Variants in ELF1 observed in about 807,000 individuals in gnomAD.
The protein encoded by ELF1 is E74 like ETS transcription factor 1, also known as ETS-related transcription factor Elf-1.
Under a neutral mutation model 59.9 loss-of-function variants are expected in ELF1, and 24 were observed. That is an observed-to-expected ratio of 0.40 (90% CI 0.29 to 0.56). The LOEUF is 0.56. Ranked by LOEUF, ELF1 falls within the 20% of genes least tolerant of loss-of-function variation. The pLI is 0.44. For synonymous variants in ELF1, 248 were observed against 266.2 expected, an observed-to-expected ratio of 0.93 and a Z score of 0.67; for missense variants, 627 against 742.2, an observed-to-expected ratio of 0.84 and a Z score of 1.80.
At chr13:41,012,656 G>A (rs145625305) in intron 1 of ELF1, among the ~76,000 whole-genome samples, 181 of 150,142 alleles carry the variant, frequency 1.2e-3, no homozygotes, top group Middle Eastern at 6.9e-3. Context: ...CAATCCTCCT[G>A]CCTCAGCTTC....
At position 40,959,137 on chromosome 13, in the gene ELF1, T is replaced by C. The variant is rs191036751; in HGVS notation, c.73-121A>G. 900 of 1,330,258 alleles carry C rather than the reference T, an allele frequency of 6.8e-4. 5 individuals carry two copies. The African/African-American group carries it at 0.012, about 18-fold the overall frequency. The allele number at this position is 1,330,258 out of a possible 1,614,324, so 82.4% of individuals were successfully genotyped here. Reference sequence around the variant, plus strand: ...ATTTAATTTTTAGATCATCAGGCTGTATCTCTATAATCTTTCTAGGCATTA... The same window carrying C: ...ATTTAATTTTTAGATCATCAGGCTGCATCTCTATAATCTTTCTAGGCATTA... On this transcript the variant is annotated intron_variant, in intron 2 of 8. Transcript: ENST00000239882.
chr13:40,977,303 A>G (rs1872972112), intron 2 of ELF1, among the ~76,000 whole-genome samples: 1 of 152,118 alleles, frequency 6.6e-6, no homozygotes, highest in Non-Finnish European at 1.5e-5. Context: ...TATTGCATTC[A>G]ATACTGATGG....
chr13:40,976,006 G>A (rs1419949268), intron 2 of ELF1, among the ~76,000 whole-genome samples: 2 of 152,194 alleles, frequency 1.3e-5, no homozygotes, highest in African/African-American at 4.8e-5. Context: ...ACGTGAGACT[G>A]ATAATAAGCA....
intron 3 of ELF1, among the ~76,000 whole-genome samples, chr13:40,957,983 T>C (rs1396878502): frequency 6.6e-6 from 1 of 152,248 alleles, no homozygotes; most frequent in Non-Finnish European, 1.5e-5. Flanking sequence ...GCCCCAGTAC[T>C]TGCCACTATG....
rs763713968 is a variant in ELF1, at chr13:40,933,548, T to C, written c.1737A>G (p.Lys579=). Residue 579 remains lysine (K), a synonymous_variant, in exon 9 of 9, where the codon AAA becomes AAG. Coordinates refer to ENST00000239882, the MANE Select transcript of ELF1 (RefSeq NM_172373.4). ...VEKKESEDHL[K]ENTEKTEQQP... ...GCTGCTCCGTTTTCTCAGTGTTCTC[T>C]TTCAAATGATCTTCAGATTCCTTTT... 6.2e-7 allele frequency: 1 copy of C among 1,614,256 alleles called. No homozygotes were observed. The highest frequency in any genetic ancestry group is 8.5e-7 in the Non-Finnish European group (1 of 1,180,046).
At position 40,949,936 on chromosome 13, in the gene ELF1, A is replaced by C. The variant is rs1272229436; in HGVS notation, c.399T>G (p.Val133=). The C allele has an allele frequency of 6.2e-7, 1 of 1,613,752 alleles. No individual in the cohort carries two copies. The highest frequency in any genetic ancestry group is 1.1e-5 in the South Asian group (1 of 90,962). The change falls in exon 5 of 9, where the codon GTT becomes GTG. Residue 133 remains valine (V), a synonymous_variant. Transcript: ENST00000239882. ...CGGACACATGGGTGACTGGGGCAAC[A>C]ACCATGTCATCTTCAGGTGAACTAA... The part of the protein sequence containing the change: ...NIFSSPEDDM[V]VAPVTHVSVT...
chr13:40,940,386 G>GAAAAAAAAAAAAAAAAAAAAAAAAAAA (rs375400990), intron 8 of ELF1, among the ~76,000 whole-genome samples: 2 of 109,894 alleles, frequency 1.8e-5, no homozygotes, highest in Non-Finnish European at 3.4e-5. Context: ...TGATTTAACT[G>GAAAAAAAAAAAAAAAAAAAAAAAAAAA]AAAAAAAAAA....
intron 1 of ELF1, among the ~76,000 whole-genome samples, chr13:40,995,006 AT>A (rs1204669407): frequency 6.6e-6 from 1 of 152,144 alleles, no homozygotes; most frequent in Non-Finnish European, 1.5e-5. Flanking sequence ...ATTTTGCTAC[AT>A]GACACGCCTC....
intron 1 of ELF1, among the ~76,000 whole-genome samples, chr13:40,998,793 G>C (rs565776175): frequency 6.6e-6 from 1 of 152,086 alleles, no homozygotes; most frequent in South Asian, 2.1e-4. Context: ...TCTCTAATAG[G>C]AAACTGTTTT....
rs80020632 is a variant in ELF1, at chr13:40,970,929, G to A, written c.72+11054C>T. 4.3e-3 allele frequency among the ~76,000 whole-genome samples: 658 copies of A among 152,254 alleles called. 6 individuals carry two copies. Among genetic ancestry groups the A allele is most frequent in the African/African-American group, 0.015 (632 of 41,550 alleles). On this transcript the variant is annotated intron_variant, in intron 2 of 8. Coordinates refer to ENST00000239882, the MANE Select transcript of ELF1 (RefSeq NM_172373.4). ...AGAATACAGTGGTACCCCTAATGTA[G>A]TGATGACGGAAGCAGCTACTATGTT...
At chr13:40,964,195 C>A (rs1209847314) in intron 2 of ELF1, among the ~76,000 whole-genome samples, 1 of 152,150 alleles carries the variant, frequency 6.6e-6, no homozygotes, top group Non-Finnish European at 1.5e-5. Flanking sequence ...GAACTGCTTC[C>A]CTACCTTTTA....
In ELF1 at chr13:40,999,807, A is replaced by T. The variant is rs143701034; in HGVS notation, c.-228-17525T>A. On this transcript the variant is annotated intron_variant, in intron 1 of 8. Coordinates refer to ENST00000239882, the MANE Select transcript of ELF1 (RefSeq NM_172373.4). ...TTTTTATTCTGCTCAGGGTGTGGCAAAACTCTTTAAATCACCTAATTTACT... is the reference window on the plus strand; with the variant it reads ...TTTTTATTCTGCTCAGGGTGTGGCATAACTCTTTAAATCACCTAATTTACT... Among the ~76,000 whole-genome samples the T allele has an allele frequency of 4.9e-3, 754 of 152,324 alleles. 10 individuals are homozygous for T. The highest frequency in any genetic ancestry group is 0.017 in the African/African-American group (712 of 41,564).
intron 1 of ELF1, among the ~76,000 whole-genome samples, chr13:41,060,505 T>C (rs908340237): frequency 6.6e-6 from 1 of 152,064 alleles, no homozygotes; most frequent in African/African-American, 2.4e-5. Context: ...ACCAGCCCCG[T>C]GAGCCGGAGG....
chr13:41,010,442 C>T (rs1874989145), intron 1 of ELF1, among the ~76,000 whole-genome samples: 1 of 149,394 alleles, frequency 6.7e-6, no homozygotes. Flanking sequence ...GAGGGCTACA[C>T]CCCTATCTCC....
At chr13:41,055,161 C>G (rs542426733) in intron 1 of ELF1, among the ~76,000 whole-genome samples, 1 of 152,168 alleles carries the variant, frequency 6.6e-6, no homozygotes, top group Non-Finnish European at 1.5e-5. Context: ...CCAGACACTT[C>G]CAGCTCTCTG....
intron 2 of ELF1, among the ~76,000 whole-genome samples, chr13:40,969,599 T>A (rs1872400257): frequency 6.6e-6 from 1 of 152,188 alleles, no homozygotes; most frequent in African/African-American, 2.4e-5. Flanking sequence ...ATTAGCCTAG[T>A]GTTTATATGT....
chr13:41,052,491 T>G (rs1007844146), intron 1 of ELF1, among the ~76,000 whole-genome samples: 1 of 152,186 alleles, frequency 6.6e-6, no homozygotes, highest in Admixed American at 6.5e-5. Context: ...AAATATATCT[T>G]TAAGTTTATT....
chr13:41,024,514 C>G (rs1875811575), intron 1 of ELF1, among the ~76,000 whole-genome samples: 1 of 151,930 alleles, frequency 6.6e-6, no homozygotes, highest in South Asian at 2.1e-4. Flanking sequence ...GTATTTCTGG[C>G]TAATTTTGTA....
chr13:40,953,914 T>A (rs1230085544), intron 3 of ELF1, among the ~76,000 whole-genome samples: 2 of 152,316 alleles, frequency 1.3e-5, no homozygotes, highest in East Asian at 3.9e-4. Context: ...AACTAATGCC[T>A]TCCCTGATGA....
Sources: gnomAD v4.1 joint callset for allele counts (sites outside exome capture counted in the v4.1 genomes callset) on GRCh38, gnomAD v4.1.1 for gene constraint, MANE v1.5 for transcripts, NCBI Gene and HGNC (gene_info 2026-07-23, HGNC 2026-07-21) for gene names.